The following STXBP5L variants were observed in gnomAD, a reference collection of about 807,000 sequenced individuals.
STXBP5L encodes the protein syntaxin-binding protein 5-like.
Under a neutral mutation model 144.5 loss-of-function variants are expected in STXBP5L, and 65 were observed. The ratio of observed to expected loss-of-function variants is 0.45; its 90% confidence interval spans 0.37 to 0.55. The LOEUF (loss-of-function observed/expected upper bound fraction) is 0.55. Ranked by LOEUF, STXBP5L falls within the 20% of genes least tolerant of loss-of-function variation. The pLI, the probability that STXBP5L is intolerant of heterozygous loss-of-function variation, is 0.00. For missense variants in STXBP5L, 1,298 were observed against 1,405.5 expected, an observed-to-expected ratio of 0.92 and a Z score of 1.22; for synonymous variants, 505 against 469.6, an observed-to-expected ratio of 1.08 and a Z score of -0.97.
At chr3:121,359,100 A>G (rs2045622472) in intron 20 of STXBP5L, among the ~76,000 whole-genome samples, 1 of 152,128 alleles carries the variant, frequency 6.6e-6, no homozygotes, top group African/African-American at 2.4e-5. Context: ...CCTCTTCTCC[A>G]TATCCTTGCC....
intron 5 of STXBP5L, among the ~76,000 whole-genome samples, chr3:121,096,991 G>A (rs372699848): frequency 6.6e-6 from 1 of 152,210 alleles, no homozygotes; most frequent in South Asian, 2.1e-4. Flanking sequence ...TGGGGGTTTT[G>A]TCTATATGTC....
chr3:121,060,728 C>G (rs551804819), intron 5 of STXBP5L, among the ~76,000 whole-genome samples: 1 of 152,162 alleles, frequency 6.6e-6, no homozygotes, highest in East Asian at 1.9e-4. Flanking sequence ...GGAATTTATC[C>G]ATTTCTTCCA....
At chr3:121,338,888 G>A (rs2108576709) in intron 20 of STXBP5L, among the ~76,000 whole-genome samples, 1 of 152,182 alleles carries the variant, frequency 6.6e-6, no homozygotes, top group East Asian at 1.9e-4. Context: ...CAAGCAGTGA[G>A]ATTGAATCAG....
intron 3 of STXBP5L, among the ~76,000 whole-genome samples, chr3:121,028,626 G>C (rs1259278141): frequency 2.0e-5 from 3 of 151,954 alleles, no homozygotes; most frequent in Non-Finnish European, 4.4e-5. Flanking sequence ...TCAAAAATAA[G>C]ATTATCATTT....
At chr3:120,987,532 A>G (rs904012852) in intron 3 of STXBP5L, among the ~76,000 whole-genome samples, 10 of 151,838 alleles carry the variant, frequency 6.6e-5, no homozygotes, top group African/African-American at 2.2e-4. Context: ...TGTTGGATAT[A>G]TGGTTTTCAT....
At chr3:120,987,795 C>G (rs79770822) in intron 3 of STXBP5L, among the ~76,000 whole-genome samples, 15,084 of 151,490 alleles carry the variant, frequency 0.1, 1,185 homozygotes, top group Admixed American at 0.2. Flanking sequence ...ATTTTGTTAT[C>G]TGGGTAATAC....
At chr3:120,990,578 C>A (rs1942746065) in intron 3 of STXBP5L, among the ~76,000 whole-genome samples, 1 of 151,972 alleles carries the variant, frequency 6.6e-6, no homozygotes, top group South Asian at 2.1e-4. Context: ...CTACAGTAAC[C>A]AAAACAGCAT....
At chr3:121,187,102 G>C (rs1559839962) in intron 9 of STXBP5L, among the ~76,000 whole-genome samples, 2 of 152,256 alleles carry the variant, frequency 1.3e-5, no homozygotes, top group Non-Finnish European at 1.5e-5. Context: ...CTGCTATAAA[G>C]ACACATGCAC....
intron 5 of STXBP5L, among the ~76,000 whole-genome samples, chr3:121,076,625 A>T (rs2042029921): frequency 6.6e-6 from 1 of 151,638 alleles, no homozygotes; most frequent in African/African-American, 2.4e-5. Flanking sequence ...CACCCAAAAC[A>T]CTCGGCCAAT....
At chr3:121,140,211 T>C (rs1373328548) in intron 7 of STXBP5L, among the ~76,000 whole-genome samples, 5 of 152,100 alleles carry the variant, frequency 3.3e-5, no homozygotes, top group Non-Finnish European at 7.4e-5. Flanking sequence ...CACAGTGAGC[T>C]ATCACCTCAC....
Position 121,190,707 on chromosome 3 carries a change from G to A in STXBP5L, c.878-15216G>A, listed in dbSNP as rs558743067. On this transcript the variant is annotated intron_variant, in intron 9 of 26. Transcript: ENST00000471454. ...CTGCCCCCCACCTCCCTGACGGGGC[G>A]GCTGGCCGGGCGGGGGCTGCCCCCC... 9.3e-4 allele frequency among the ~76,000 whole-genome samples: 118 copies of A among 126,994 alleles called. 3 individuals carry two copies. Among genetic ancestry groups the A allele is most frequent in the East Asian group, 1.8e-3 (7 of 3,978 alleles). 83.3% of individuals were successfully genotyped at this position (126,994 alleles called of 152,430 possible).
At chr3:121,184,461 A>G (rs2047288409) in intron 9 of STXBP5L, among the ~76,000 whole-genome samples, 1 of 151,706 alleles carries the variant, frequency 6.6e-6, no homozygotes, top group African/African-American at 2.4e-5. Context: ...AAGACAGGAT[A>G]TCAGAGATTG....
At chr3:121,090,600 A>C (rs2042730239) in intron 5 of STXBP5L, among the ~76,000 whole-genome samples, 1 of 152,104 alleles carries the variant, frequency 6.6e-6, no homozygotes, top group African/African-American at 2.4e-5. Flanking sequence ...TGATTAAAAT[A>C]TTTTAAAGTC....
At chr3:121,089,501 T>G (rs2042671842) in intron 5 of STXBP5L, among the ~76,000 whole-genome samples, 1 of 145,202 alleles carries the variant, frequency 6.9e-6, no homozygotes. Context: ...GTTAAGGTGT[T>G]GTTTTTTCTC....
intron 5 of STXBP5L, among the ~76,000 whole-genome samples, chr3:121,059,664 G>T (rs1406878539): frequency 6.6e-6 from 1 of 152,106 alleles, no homozygotes; most frequent in Non-Finnish European, 1.5e-5. Context: ...GCAGTGGTTT[G>T]TAGCTCTCCT....
chr3:121,127,801 A>C (rs926086871), intron 7 of STXBP5L, among the ~76,000 whole-genome samples: 2 of 151,980 alleles, frequency 1.3e-5, no homozygotes, highest in African/African-American at 2.4e-5. Context: ...AAACCCCAGC[A>C]ACCCCCAATT....
intron 9 of STXBP5L, among the ~76,000 whole-genome samples, chr3:121,163,323 G>A (rs758904945): frequency 7.2e-5 from 11 of 151,744 alleles, no homozygotes; most frequent in East Asian, 1.9e-4. Flanking sequence ...ACACAGGAAC[G>A]GAAAACCAAA....
At chr3:121,370,570 G>A (rs1454682474) in intron 20 of STXBP5L, among the ~76,000 whole-genome samples, 1 of 152,110 alleles carries the variant, frequency 6.6e-6, no homozygotes, top group Non-Finnish European at 1.5e-5. Flanking sequence ...TGTGAGAATG[G>A]ACTAATACAG....
intron 20 of STXBP5L, among the ~76,000 whole-genome samples, chr3:121,347,892 G>A (rs964143447): frequency 1.3e-5 from 2 of 152,184 alleles, no homozygotes; most frequent in African/African-American, 4.8e-5. Flanking sequence ...ATACAGTCAT[G>A]TCATCTGCAA....
Sources: allele counts gnomAD v4.1 joint callset (sites outside exome capture counted in the v4.1 genomes callset), GRCh38; gene constraint gnomAD v4.1.1; transcripts MANE v1.5; gene names NCBI Gene and HGNC (gene_info 2026-07-23, HGNC 2026-07-21).